Variants in GALNT10 observed in about 807,000 individuals in gnomAD.
GALNT10 encodes the protein polypeptide N-acetylgalactosaminyltransferase 10, also known as GalNAc transferase 10.
GALNT10 carries 41 observed loss-of-function variants against 75.0 expected under a neutral mutation model. The observed-to-expected ratio is 0.55, with a 90% CI of 0.43 to 0.71. The LOEUF is 0.71. Among genes scored for constraint, GALNT10 ranks in the 30% least tolerant of loss-of-function variants. The pLI, the probability that GALNT10 is intolerant of heterozygous loss-of-function variation, is 0.00. For missense variants in GALNT10, 727 were observed against 818.5 expected (o/e 0.89, Z 1.36); for synonymous variants, 302 against 313.0 (o/e 0.96, Z 0.37).
chr5:154,353,842 C>G (rs1394294116), intron 4 of GALNT10, among the ~76,000 whole-genome samples: 1 of 152,188 alleles, frequency 6.6e-6, no homozygotes, highest in African/African-American at 2.4e-5. Flanking sequence ...CTCAGACAGC[C>G]TTACCTCCCT....
At chr5:154,375,326 G>T (rs904807720) in intron 4 of GALNT10, among the ~76,000 whole-genome samples, 4 of 152,164 alleles carry the variant, frequency 2.6e-5, no homozygotes, top group Non-Finnish European at 4.4e-5. Context: ...TATGCTGTAG[G>T]TTTCTTTTGC....
chr5:154,356,845 G>C (rs1044860650), intron 4 of GALNT10, among the ~76,000 whole-genome samples: 1 of 152,208 alleles, frequency 6.6e-6, no homozygotes, highest in African/African-American at 2.4e-5. Context: ...TGAGGGACCC[G>C]TTATCATGCC....
At chr5:154,238,171 T>C (rs1282484209) in intron 1 of GALNT10, among the ~76,000 whole-genome samples, 3 of 152,064 alleles carry the variant, frequency 2.0e-5, no homozygotes, top group African/African-American at 4.8e-5. Context: ...GAAAGTGCAG[T>C]GAGAAGTTCC....
chr5:154,365,318 C>T (rs745581649), intron 4 of GALNT10, among the ~76,000 whole-genome samples: 2 of 152,096 alleles, frequency 1.3e-5, no homozygotes, highest in Non-Finnish European at 2.9e-5. Flanking sequence ...ACAGGGGGGC[C>T]TGTGGTTTCA....
chr5:154,340,329 C>A (rs1351046269), intron 4 of GALNT10, among the ~76,000 whole-genome samples: 2 of 152,198 alleles, frequency 1.3e-5, no homozygotes, highest in Non-Finnish European at 2.9e-5. Flanking sequence ...GACTTAAATA[C>A]ATTATGTTTC....
At chr5:154,239,195 G>A (rs970928146) in intron 1 of GALNT10, among the ~76,000 whole-genome samples, 1 of 152,182 alleles carries the variant, frequency 6.6e-6, no homozygotes, top group Admixed American at 6.5e-5. Context: ...TGCAGGGTAA[G>A]TACTGTCTTT....
At chr5:154,316,988 A>G (rs998658477) in intron 3 of GALNT10, among the ~76,000 whole-genome samples, 1 of 152,176 alleles carries the variant, frequency 6.6e-6, no homozygotes, top group Non-Finnish European at 1.5e-5. Context: ...CCAGCTACTT[A>G]TCCCTCCCCA....
intron 3 of GALNT10, among the ~76,000 whole-genome samples, chr5:154,322,238 C>T (rs1754686822): frequency 6.6e-6 from 1 of 152,092 alleles, no homozygotes; most frequent in African/African-American, 2.4e-5. Flanking sequence ...AGGACTGAGG[C>T]TCCTGTTCCC....
chr5:154,276,232 A>G (rs185695248), intron 1 of GALNT10, among the ~76,000 whole-genome samples: 5 of 152,288 alleles, frequency 3.3e-5, no homozygotes, highest in African/African-American at 1.2e-4. Context: ...TTCCAGACTC[A>G]TTCAGGGTGT....
intron 1 of GALNT10, among the ~76,000 whole-genome samples, chr5:154,253,155 A>G (rs1311305455): frequency 2.0e-5 from 3 of 151,382 alleles, no homozygotes; most frequent in Admixed American, 6.6e-5. Flanking sequence ...TCTTTTAACT[A>G]ATTTTGAAAA....
At chr5:154,401,010 C>G (rs777727491) in intron 7 of GALNT10, among the ~76,000 whole-genome samples, 16 of 152,126 alleles carry the variant, frequency 1.1e-4, no homozygotes, top group Admixed American at 2.0e-4. Context: ...CTGTGCTGGG[C>G]AGGGAAGCCA....
rs1022377958 is a variant in GALNT10, at chr5:154,298,294, A to G, written c.401+215A>G. On this transcript the variant is annotated intron_variant, in intron 3 of 11. Coordinates refer to ENST00000297107, the MANE Select transcript of GALNT10 (RefSeq NM_198321.4). The surrounding 1 kb of genome is among the most constrained non-coding windows in gnomAD (Gnocchi z 4.1). ...CTTCCTCTTTTCAGGAGGTGGAACTATGTAGCCTCTGCATTTCCCCTTTTG... is the reference window on the plus strand; with the variant it reads ...CTTCCTCTTTTCAGGAGGTGGAACTGTGTAGCCTCTGCATTTCCCCTTTTG... Among the ~76,000 whole-genome samples, 2 of 152,198 alleles carry G rather than the reference A, an allele frequency of 1.3e-5. No homozygotes were observed. The highest frequency in any genetic ancestry group is 1.9e-4 in the East Asian group (1 of 5,200).
intron 4 of GALNT10, among the ~76,000 whole-genome samples, chr5:154,353,531 G>A (rs1408251335): frequency 6.6e-6 from 1 of 152,220 alleles, no homozygotes; most frequent in East Asian, 1.9e-4. Flanking sequence ...GGGTGGAAGG[G>A]AGGGCTAGAC....
intron 1 of GALNT10, among the ~76,000 whole-genome samples, chr5:154,202,177 C>G (rs1335042052): frequency 6.6e-6 from 1 of 152,204 alleles, no homozygotes; most frequent in Non-Finnish European, 1.5e-5. Flanking sequence ...ATGAGAACAG[C>G]TTAGGTCCCC....
chr5:154,254,663 G>A (rs767049734), intron 1 of GALNT10, among the ~76,000 whole-genome samples: 6 of 152,034 alleles, frequency 3.9e-5, no homozygotes, highest in Admixed American at 6.6e-5. Flanking sequence ...ATGCCGAGTG[G>A]TAATTCTGAT....
chr5:154,294,880 A>C lies in GALNT10; in HGVS notation c.224A>C (p.His75Pro). 6.2e-7 allele frequency: 1 copy of C among 1,605,836 alleles called. No homozygotes were observed. Among genetic ancestry groups the C allele is most frequent in the Non-Finnish European group, 8.5e-7 (1 of 1,172,390 alleles). The change falls in exon 2 of 12, where the codon CAT (histidine) becomes CCT (proline). Residue 75 changes from histidine to proline, a missense_variant. His to Pro is a moderately conservative substitution (Grantham distance 77, BLOSUM62 -2). Transcript: ENST00000297107. ...GATGGGCAGAAGCTGAAGGACTGGCATGACAAGGAGGCCATCCGGAGGGAC... is the reference window on the plus strand; with the variant it reads ...GATGGGCAGAAGCTGAAGGACTGGCCTGACAAGGAGGCCATCCGGAGGGAC... ...LGDGQKLKDW[H>P]DKEAIRRDAQ...
chr5:154,247,652 A>C (rs1753449788), intron 1 of GALNT10, among the ~76,000 whole-genome samples: 1 of 152,172 alleles, frequency 6.6e-6, no homozygotes, highest in Non-Finnish European at 1.5e-5. Context: ...TGATTTTTGC[A>C]CATTGATTTT....
chr5:154,217,493 CTGT>C (rs1253146396), intron 1 of GALNT10, among the ~76,000 whole-genome samples: 1 of 152,200 alleles, frequency 6.6e-6, no homozygotes, highest in Non-Finnish European at 1.5e-5. Flanking sequence ...CTCTGTGGGG[CTGT>C]TATCTGAGCT....
intron 4 of GALNT10, among the ~76,000 whole-genome samples, chr5:154,347,851 A>G (rs888107733): frequency 5.9e-5 from 9 of 152,354 alleles, no homozygotes; most frequent in Admixed American, 5.9e-4. Context: ...TGATTTGCTG[A>G]GAATTTTTTC....
Sources: allele counts gnomAD v4.1 joint callset (sites outside exome capture counted in the v4.1 genomes callset), GRCh38; gene constraint gnomAD v4.1.1; non-coding constraint Gnocchi (gnomAD v3.1); transcripts MANE v1.5; gene names NCBI Gene and HGNC (gene_info 2026-07-23, HGNC 2026-07-21).